Variants in ALS2 observed in about 807,000 individuals in gnomAD.
ALS2 encodes alsin Rho guanine nucleotide exchange factor ALS2.
In ALS2, 117 loss-of-function variants were observed where a neutral mutation model predicts 203.4. That is an observed-to-expected ratio of 0.58 (90% CI 0.50 to 0.67). ALS2 has a LOEUF of 0.67. Among genes scored for constraint, ALS2 ranks in the 30% least tolerant of loss-of-function variants. The pLI is 0.00. For missense variants in ALS2, 1,715 were observed against 1,989.4 expected, an observed-to-expected ratio of 0.86 and a Z score of 2.62; for synonymous variants, 718 against 725.9, an observed-to-expected ratio of 0.99 and a Z score of 0.17.
intron 25 of ALS2, 98 bp from the exon 26 acceptor site, chr2:201,711,206 G>C: frequency 3.7e-6 from 3 of 802,156 alleles, no homozygotes; most frequent in Non-Finnish European, 6.5e-6. Context: ...TCCAGTCAAA[G>C]TGGAGCATCC....
chr2:201,728,096 A>T (rs538519704), intron 15 of ALS2, among the ~76,000 whole-genome samples: 174 of 152,196 alleles, frequency 1.1e-3, no homozygotes, highest in Middle Eastern at 3.4e-3. Flanking sequence ...CCTCTTTTTT[A>T]AAAAAAATTA....
chr2:201,723,287 C>A, intron 22 of ALS2, 43 bp downstream of exon 22: 1 of 1,511,284 alleles, frequency 6.6e-7, no homozygotes, highest in Non-Finnish European at 9.2e-7. Context: ...GACAAAGGAG[C>A]TTTAAAAAGT....
At chr2:201,706,068 A>G (rs1248849686) in intron 29 of ALS2, among the ~76,000 whole-genome samples, 5 of 152,156 alleles carry the variant, frequency 3.3e-5, no homozygotes, top group Admixed American at 2.6e-4. Flanking sequence ...TATTCCCTGG[A>G]TAGCAAGCAA....
chr2:201,748,395 T>G (rs1453806178), intron 8 of ALS2, among the ~76,000 whole-genome samples: 1 of 152,226 alleles, frequency 6.6e-6, no homozygotes, highest in Non-Finnish European at 1.5e-5. Flanking sequence ...GCCTTCACTT[T>G]TAATTCTCAC....
Position 201,768,507 on chromosome 2 carries a change from T to C in ALS2, c.20+359A>G, listed in dbSNP as rs151067672. ...ATAACTGGACATAACCATGGTTCTA[T>C]AGGAGGAACAGTATACATTTAACCT... On this transcript the variant is annotated intron_variant, in intron 2 of 33. Coordinates refer to ENST00000264276, the MANE Select transcript of ALS2 (RefSeq NM_020919.4). Among the ~76,000 whole-genome samples, 643 of 152,332 alleles carry C rather than the reference T, an allele frequency of 4.2e-3. 4 individuals are homozygous for C. The highest frequency in any genetic ancestry group is 7.2e-3 in the Non-Finnish European group (488 of 68,012).
Position 201,726,717 on chromosome 2 carries a change from G to C in ALS2, c.3129C>G (p.Arg1043=), listed in dbSNP as rs1343499793. The part of the protein sequence containing the change: ...SAKYTFYKDP[R]LKDATYDGRW... ...GTCCATCATAGGTGGCATCCTTTAGGCGAGGATCCTTGTAGAAAGTATATT... is the reference window on the plus strand; with the variant it reads ...GTCCATCATAGGTGGCATCCTTTAGCCGAGGATCCTTGTAGAAAGTATATT... The change falls in exon 18 of 34, where the codon CGC becomes CGG. Residue 1043 remains arginine, a synonymous_variant. Transcript: ENST00000264276. 11 of 1,614,014 alleles carry C rather than the reference G, an allele frequency of 6.8e-6. No homozygotes were observed. The highest frequency in any genetic ancestry group is 7.6e-6 in the Non-Finnish European group (9 of 1,180,034).
At chr2:201,705,503 A>C (rs1689651475) in intron 29 of ALS2, 42 bp from the exon 30 acceptor site, 1 of 1,534,982 alleles carries the variant, frequency 6.5e-7, no homozygotes, top group African/African-American at 1.4e-5. Flanking sequence ...GTTGTTACTT[A>C]TGGTAAACAA....
intron 3 of ALS2, among the ~76,000 whole-genome samples, chr2:201,764,357 T>G (rs958248221): frequency 1.3e-5 from 2 of 151,968 alleles, no homozygotes; most frequent in East Asian, 3.9e-4. Context: ...ACAGGCTGGG[T>G]GCAGTGGCTC....
In ALS2 at chr2:201,718,076, C is replaced by T. The variant is rs766862875; in HGVS notation, c.3836+1G>A. The stretch of plus-strand genomic sequence containing the variant: ...ATCCAGAATTAACACTAGTTACTCA[C>T]AAAACTTTAGGTCTGTCTTTATCAC... On this transcript the variant is annotated splice_donor_variant, in intron 24 of 33. Coordinates refer to ENST00000264276, the MANE Select transcript of ALS2 (RefSeq NM_020919.4). LOFTEE classifies it high-confidence loss of function. The T allele has an allele frequency of 1.2e-6, 2 of 1,613,500 alleles. No individual in the cohort carries two copies. The highest frequency in any genetic ancestry group is 2.2e-5 in the East Asian group (1 of 44,808).
chr2:201,753,091 G>T, intron 7 of ALS2, 55 bp downstream of exon 7: 2 of 1,353,378 alleles, frequency 1.5e-6, no homozygotes, highest in Non-Finnish European at 2.1e-6. Context: ...GTCCAACAAT[G>T]TCATGTTGGC....
At chr2:201,778,156 T>C (rs1427371030) in intron 1 of ALS2, among the ~76,000 whole-genome samples, 3 of 152,110 alleles carry the variant, frequency 2.0e-5, no homozygotes, top group African/African-American at 7.2e-5. Flanking sequence ...ACTCCCTTCC[T>C]GATAGGGAGG....
At chr2:201,703,248 A>G (rs1237822752) in intron 33 of ALS2, among the ~76,000 whole-genome samples, 2 of 152,068 alleles carry the variant, frequency 1.3e-5, no homozygotes, top group Non-Finnish European at 2.9e-5. Flanking sequence ...TCCTTTCTCT[A>G]TATTTAAACC....
At chr2:201,709,033 C>T (rs1689883959) in intron 27 of ALS2, among the ~76,000 whole-genome samples, 1 of 152,192 alleles carries the variant, frequency 6.6e-6, no homozygotes, top group South Asian at 2.1e-4. Flanking sequence ...TATGGAAGTT[C>T]TGGGACAAAT....
At chr2:201,719,583 G>A (rs961754237) in intron 23 of ALS2, among the ~76,000 whole-genome samples, 2 of 148,538 alleles carry the variant, frequency 1.3e-5, no homozygotes, top group East Asian at 2.1e-4. Context: ...ACAAGACTCC[G>A]TCTCGAAAAA....
At chr2:201,720,341 A>G (rs890629788) in intron 23 of ALS2, among the ~76,000 whole-genome samples, 1 of 152,138 alleles carries the variant, frequency 6.6e-6, no homozygotes, top group Admixed American at 6.5e-5. Flanking sequence ...ATAATACACC[A>G]TATTAGTAGA....
chr2:201,702,453 T>C (rs540666151), intron 33 of ALS2, among the ~76,000 whole-genome samples: 3 of 152,304 alleles, frequency 2.0e-5, no homozygotes, highest in Admixed American at 6.5e-5. Flanking sequence ...AGTAGAACCA[T>C]TGAGTCAAAC....
chr2:201,738,695 A>C lies in ALS2; in HGVS notation c.2392T>G (p.Phe798Val). The change falls in exon 12 of 34, where the codon TTC becomes GTC. Residue 798 changes from phenylalanine (F) to valine (V), a missense_variant. Coordinates refer to ENST00000264276, the MANE Select transcript of ALS2 (RefSeq NM_020919.4). Reference sequence around the variant, plus strand: ...ATGGCAGGCTTAGCAAGAAGCTGGAATCCTCCCATAACCAGGAAATTTGTA... The same window carrying C: ...ATGGCAGGCTTAGCAAGAAGCTGGACTCCTCCCATAACCAGGAAATTTGTA... ...SITNFLVMGG[F>V]QLLAKPAIDF... is the part of the protein sequence containing the mutation. 1.2e-6 allele frequency: 2 copies of C among 1,614,164 alleles called. No individual in the cohort carries two copies. Among genetic ancestry groups the C allele is most frequent in the Non-Finnish European group, 1.7e-6 (2 of 1,179,990 alleles).
chr2:201,726,337 C>T (rs1691161024), intron 19 of ALS2, 147 bp downstream of exon 19: 2 of 771,272 alleles, frequency 2.6e-6, no homozygotes, highest in East Asian at 5.3e-5. Flanking sequence ...TCACTCCTGG[C>T]TCTCTTCATG....
intron 4 of ALS2, chr2:201,759,526 A>G (rs553975361): frequency 1.0e-6 from 1 of 981,138 alleles, no homozygotes; most frequent in South Asian, 4.7e-5. Context: ...AAAAACTTCC[A>G]ATGTTTAACA....
Sources: gnomAD v4.1 joint callset for allele counts (sites outside exome capture counted in the v4.1 genomes callset) on GRCh38, gnomAD v4.1.1 for gene constraint, MANE v1.5 for transcripts, NCBI Gene and HGNC (gene_info 2026-07-23, HGNC 2026-07-21) for gene names.